The following RCAN3 variants were observed in gnomAD, a reference collection of about 807,000 sequenced individuals.
RCAN3 encodes regulator of calcineurin 3.
Under a neutral mutation model 21.9 loss-of-function variants are expected in RCAN3, and 19 were observed. That is an observed-to-expected ratio of 0.87 (90% CI 0.61 to 1.27). The LOEUF (loss-of-function observed/expected upper bound fraction) is 1.27, where lower values mean the gene tolerates loss of function less well. Ranked by LOEUF, RCAN3 falls within the 50% of genes most tolerant of loss-of-function variation. The pLI, the probability that RCAN3 is intolerant of heterozygous loss-of-function variation, is 0.00. For missense variants in RCAN3, 240 were observed against 300.1 expected (o/e 0.80, Z 1.48); for synonymous variants, 114 against 112.3 (o/e 1.01, Z -0.09).
chr1:24,534,786 G>T (rs1193624280), intron 4 of RCAN3, among the ~76,000 whole-genome samples: 1 of 152,056 alleles, frequency 6.6e-6, no homozygotes, highest in Admixed American at 6.6e-5. Flanking sequence ...CCGACAGAGC[G>T]AGACTCCATC....
intron 2 of RCAN3, among the ~76,000 whole-genome samples, chr1:24,516,369 T>C (rs1184848686): frequency 6.6e-6 from 1 of 151,752 alleles, no homozygotes; most frequent in African/African-American, 2.4e-5. Context: ...TCACAGCCAG[T>C]TGGAATAAAA....
chr1:24,527,043 CT>C (rs1381684738), intron 2 of RCAN3, among the ~76,000 whole-genome samples: 2 of 151,842 alleles, frequency 1.3e-5, no homozygotes, highest in Admixed American at 1.3e-4. Flanking sequence ...ATGTATATTA[CT>C]TTTTTTTGAG....
At chr1:24,514,263 C>A in intron 1 of RCAN3, 51 bp from the exon 2 acceptor site, 1 of 875,988 alleles carries the variant, frequency 1.1e-6, no homozygotes, top group Non-Finnish European at 1.7e-6. Context: ...TTGATTGGAA[C>A]ATTATTTGGT....
At chr1:24,512,609 T>C (rs1319746787) in intron 1 of RCAN3, among the ~76,000 whole-genome samples, 1 of 152,238 alleles carries the variant, frequency 6.6e-6, no homozygotes, top group Non-Finnish European at 1.5e-5. Context: ...TTTTATTCCA[T>C]AATTACCATT....
chr1:24,535,834 A>G lies in RCAN3; in HGVS notation c.*557A>G, dbSNP rs1650187353. 6.6e-6 allele frequency: 1 copy of G among 152,220 alleles called. No homozygotes were observed. The highest frequency in any genetic ancestry group is 2.1e-4 in the South Asian group (1 of 4,832). The allele number at this position is 152,220 out of a possible 1,614,324, so 9.4% of individuals were successfully genotyped here. On this transcript the variant is annotated 3_prime_UTR_variant, in exon 5 of 5. Transcript: ENST00000374395. ...TTCATAGAAATCATGGTTCTCAAGT[A>G]TTTGTTCAATTAGCTTTGGGGAAGA...
Position 24,537,908 on chromosome 1 carries a change from A to C in RCAN3, c.*2631A>C, listed in dbSNP as rs936027916. On this transcript the variant is annotated 3_prime_UTR_variant, in exon 5 of 5. Coordinates refer to ENST00000374395, the MANE Select transcript of RCAN3 (RefSeq NM_013441.4). ...GAGCGAAACTCCGTCTCAAAAAAAA[A>C]AGATTTAACCCTGATTGATAGTATA... 15 of 144,874 alleles carry C rather than the reference A, an allele frequency of 1.0e-4. No homozygotes were observed. The highest frequency in any genetic ancestry group is 3.5e-4 in the African/African-American group (12 of 34,568). The allele number at this position is 144,874 out of a possible 1,614,324, so 9.0% of individuals were successfully genotyped here.
intron 2 of RCAN3, among the ~76,000 whole-genome samples, chr1:24,515,566 G>A (rs934615790): frequency 6.6e-6 from 1 of 152,020 alleles, no homozygotes; most frequent in Non-Finnish European, 1.5e-5. Flanking sequence ...TCCTTGTTCT[G>A]AGCTTTTTCT....
intron 2 of RCAN3, among the ~76,000 whole-genome samples, chr1:24,528,884 C>T (rs751004509): frequency 1.3e-5 from 2 of 152,088 alleles, no homozygotes; most frequent in East Asian, 3.9e-4. Flanking sequence ...CAAACAGCTG[C>T]GCAAACACAC....
intron 2 of RCAN3, among the ~76,000 whole-genome samples, chr1:24,529,797 T>C: frequency 6.6e-6 from 1 of 151,182 alleles, no homozygotes; most frequent in East Asian, 2.0e-4. Context: ...GTGATCCGCC[T>C]ACCTCAGCCT....
intron 3 of RCAN3, among the ~76,000 whole-genome samples, chr1:24,531,959 A>C (rs745878131): frequency 2.6e-5 from 4 of 152,304 alleles, no homozygotes; most frequent in Non-Finnish European, 4.4e-5. Flanking sequence ...AAGAGTGGGC[A>C]AAATCAGGAG....
chr1:24,514,956 G>A (rs760640075), intron 2 of RCAN3, among the ~76,000 whole-genome samples: 6 of 135,016 alleles, frequency 4.4e-5, no homozygotes, highest in Non-Finnish European at 4.8e-5. Context: ...GGGACAGAGT[G>A]AGACTCTGTC....
intron 2 of RCAN3, among the ~76,000 whole-genome samples, chr1:24,522,033 T>A (rs1648863012): frequency 6.6e-6 from 1 of 152,160 alleles, no homozygotes; most frequent in Non-Finnish European, 1.5e-5. Context: ...GACTTGTACA[T>A]TTAAAAATGG....
At chr1:24,526,081 C>T (rs1649238843) in intron 2 of RCAN3, among the ~76,000 whole-genome samples, 1 of 152,096 alleles carries the variant, frequency 6.6e-6, no homozygotes, top group African/African-American at 2.4e-5. Flanking sequence ...TGCATGGCTT[C>T]ATTTTTGTAT....
In RCAN3 at chr1:24,535,189, AC is replaced by A; in HGVS notation, c.642del (p.Lys215AsnfsTer17). 3.1e-6 allele frequency: 5 copies of A among 1,594,826 alleles called. No homozygotes were observed. Among genetic ancestry groups the A allele is most frequent in the Non-Finnish European group, 3.4e-6 (4 of 1,173,016 alleles). On this transcript the variant is annotated frameshift_variant, in exon 5 of 5. Coordinates refer to ENST00000374395, the MANE Select transcript of RCAN3 (RefSeq NM_013441.4). LOFTEE classifies it low-confidence loss of function (END_TRUNC). ...ACTGAAGAGGAAGAAGAGACAAAAA[AC>A]CCCAAACAGAAAATTGCCCAGACGA... ...SETEEEEETK[N>X]PKQKIAQTRR...
chr1:24,506,689 CAA>C (rs200489448), intron 1 of RCAN3, among the ~76,000 whole-genome samples: 22 of 108,338 alleles, frequency 2.0e-4, no homozygotes, highest in South Asian at 3.1e-4. Flanking sequence ...GAAGTTATAT[CAA>C]AAAAAAAAAA....
intron 2 of RCAN3, among the ~76,000 whole-genome samples, chr1:24,517,232 A>G (rs574704138): frequency 5.9e-5 from 9 of 151,928 alleles, no homozygotes; most frequent in Non-Finnish European, 1.0e-4. Context: ...CTCCTGCCTC[A>G]GCTTCCTGAG....
At position 24,533,079 on chromosome 1, in the gene RCAN3, G is replaced by GC. The variant is rs1649917488; in HGVS notation, c.370-3dup. The GC allele has an allele frequency of 1.4e-6, 2 of 1,448,344 alleles. No homozygotes were observed. The highest frequency in any genetic ancestry group is 1.8e-6 in the Non-Finnish European group (2 of 1,098,786). The allele number at this position is 1,448,344 out of a possible 1,614,324, so 89.7% of individuals were successfully genotyped here. The stretch of plus-strand genomic sequence containing the variant: ...ACTGGCTTTGAGCGTCTCGCTCCCT[G>GC]CAGGTGCAGATGTCCGGCGAAGTGC... On this transcript the variant is annotated splice_polypyrimidine_tract_variant and splice_region_variant and intron_variant, in intron 3 of 4. Coordinates refer to ENST00000374395, the MANE Select transcript of RCAN3 (RefSeq NM_013441.4).
At chr1:24,516,331 G>T (rs749174706) in intron 2 of RCAN3, among the ~76,000 whole-genome samples, 1 of 151,968 alleles carries the variant, frequency 6.6e-6, no homozygotes, top group Non-Finnish European at 1.5e-5. Context: ...AATTTAAATA[G>T]TGCGTTGAGG....
At chr1:24,515,511 C>G (rs1041575847) in intron 2 of RCAN3, among the ~76,000 whole-genome samples, 4 of 151,456 alleles carry the variant, frequency 2.6e-5, no homozygotes, top group African/African-American at 9.7e-5. Flanking sequence ...GGCTATAGGT[C>G]TTAGTCCCAC....
Sources: gnomAD v4.1 joint callset for allele counts (sites outside exome capture counted in the v4.1 genomes callset) on GRCh38, gnomAD v4.1.1 for gene constraint, MANE v1.5 for transcripts, NCBI Gene and HGNC (gene_info 2026-07-23, HGNC 2026-07-21) for gene names.